The following ATP2B2 variants were observed in gnomAD, a reference collection of about 807,000 sequenced individuals.
ATP2B2 encodes plasma membrane calcium-transporting ATPase 2.
A neutral mutation model predicts 120.0 loss-of-function variants in ATP2B2; 15 were observed. That is an observed-to-expected ratio of 0.12 (90% CI 0.08 to 0.19). The LOEUF (loss-of-function observed/expected upper bound fraction) is 0.19, where lower values mean the gene tolerates loss of function less well. ATP2B2 is among the 10% of genes least tolerant of loss of function. The pLI is 1.00. For synonymous variants in ATP2B2, 694 were observed against 700.3 expected (o/e 0.99, Z 0.14); for missense variants, 1,045 against 1,719.8 (o/e 0.61, Z 6.94).
At chr3:10,605,284 C>T (rs549147065) in intron 2 of ATP2B2, among the ~76,000 whole-genome samples, 5 of 152,326 alleles carry the variant, frequency 3.3e-5, no homozygotes, top group Non-Finnish European at 5.9e-5. Context: ...CATTTCCATA[C>T]GTCCTCTCAT....
At position 10,417,908 on chromosome 3, in the gene ATP2B2, G is replaced by A. The variant is rs142676996; in HGVS notation, c.200-7093C>T. ...TCCTGGTTTGCTCCTCAGAAGAGGG[G>A]TCAGATGGTCCTCAAGGAAGAGGAC... On this transcript the variant is annotated intron_variant, in intron 2 of 22. Coordinates refer to ENST00000360273, the MANE Select transcript of ATP2B2 (RefSeq NM_001001331.4). Among the ~76,000 whole-genome samples, 80 of 152,306 alleles carry A rather than the reference G, an allele frequency of 5.3e-4. 2 individuals are homozygous for A. The East Asian group carries it at 0.012, about 23-fold the overall frequency.
chr3:10,448,820 G>A (rs2063928751), intron 2 of ATP2B2, among the ~76,000 whole-genome samples: 2 of 152,218 alleles, frequency 1.3e-5, no homozygotes, highest in South Asian at 4.1e-4. Flanking sequence ...CTGCACATTA[G>A]TCATGCTATG....
chr3:10,392,242 T>C (rs1246096400), intron 5 of ATP2B2, among the ~76,000 whole-genome samples: 1 of 152,118 alleles, frequency 6.6e-6, no homozygotes, highest in Non-Finnish European at 1.5e-5. Context: ...CTTTCCAGGG[T>C]GGGTATGTAT....
At chr3:10,593,052 C>T (rs908413041) in intron 2 of ATP2B2, among the ~76,000 whole-genome samples, 1 of 152,230 alleles carries the variant, frequency 6.6e-6, no homozygotes, top group African/African-American at 2.4e-5. Context: ...TCCCAAAGTG[C>T]TGGGAATACA....
chr3:10,539,046 A>G (rs529712687), intron 2 of ATP2B2, among the ~76,000 whole-genome samples: 5 of 152,366 alleles, frequency 3.3e-5, no homozygotes, highest in Non-Finnish European at 7.3e-5. Context: ...TACAAAATCA[A>G]TGTGCAAAAA....
chr3:10,505,567 C>G lies in ATP2B2; in HGVS notation c.-422G>C, dbSNP rs1241527265. The G allele has an allele frequency of 1.4e-5, 2 of 145,440 alleles. No individual in the cohort carries two copies. The highest frequency in any genetic ancestry group is 3.0e-5 in the Non-Finnish European group (2 of 66,572). 9.0% of individuals were successfully genotyped at this position (145,440 alleles called of 1,614,324 possible). On this transcript the variant is annotated 5_prime_UTR_variant, in exon 1 of 23. Coordinates refer to ENST00000360273, the MANE Select transcript of ATP2B2 (RefSeq NM_001001331.4). ...CGCGGCTGAGCCCAGCCAGCGTGCC[C>G]GGGCCCCTCTGCAGACTGTACCATC...
intron 3 of ATP2B2, among the ~76,000 whole-genome samples, chr3:10,517,539 C>G (rs2066900683): frequency 6.6e-6 from 1 of 152,190 alleles, no homozygotes; most frequent in Admixed American, 6.5e-5. Flanking sequence ...TAATGAATAT[C>G]CACTGGCCCT....
At chr3:10,668,768 T>A (rs534653197) in intron 1 of ATP2B2, among the ~76,000 whole-genome samples, 5 of 152,338 alleles carry the variant, frequency 3.3e-5, no homozygotes, top group African/African-American at 9.6e-5. Context: ...TCTGTCACTA[T>A]GAGAATTTAC....
At chr3:10,585,368 G>A (rs764681565) in intron 2 of ATP2B2, among the ~76,000 whole-genome samples, 6 of 151,614 alleles carry the variant, frequency 4.0e-5, no homozygotes, top group South Asian at 2.1e-4. Flanking sequence ...GATGGTGGGC[G>A]CCTGTAGTCC....
rs370220142 is a variant in ATP2B2, at chr3:10,687,817, C to T, written c.-460+20098G>A. Among the ~76,000 whole-genome samples, 35 of 152,222 alleles carry T rather than the reference C, an allele frequency of 2.3e-4. 1 individual carries two copies. In the East Asian group the frequency reaches 5.8e-3, roughly 25 times the overall value. The stretch of plus-strand genomic sequence containing the variant: ...TGGAGGTTGCAGTGAGCTGAGATCA[C>T]ACCACCGCACTCCAGCCTGGGTGAC... On this transcript the variant is annotated intron_variant, in intron 1 of 21. Transcript: ENST00000646379.
At chr3:10,693,397 G>A (rs1047269003) in intron 1 of ATP2B2, among the ~76,000 whole-genome samples, 9 of 152,190 alleles carry the variant, frequency 5.9e-5, no homozygotes, top group Non-Finnish European at 1.3e-4. Context: ...TATGTGACAG[G>A]CCTGCTCTGG....
Position 10,350,606 on chromosome 3 carries a change from A to T in ATP2B2, c.2137-29T>A, listed in dbSNP as rs374604773. The stretch of plus-strand genomic sequence containing the variant: ...GGCAGGAGGGCAGGGGCCATGGGGG[A>T]GGGCACCACCTCAGGCAGACTCCCC... On this transcript the variant is annotated intron_variant, in intron 14 of 22. Coordinates refer to ENST00000360273, the MANE Select transcript of ATP2B2 (RefSeq NM_001001331.4). The T allele has an allele frequency of 1.3e-4, 212 of 1,604,502 alleles. 1 individual carries two copies. The African/African-American group carries it at 2.5e-3, about 19-fold the overall frequency.
At chr3:10,388,039 G>A (rs890252347) in intron 6 of ATP2B2, 15 of 524,038 alleles carry the variant, frequency 2.9e-5, no homozygotes, top group Admixed American at 1.5e-4. Context: ...TGGCCCGGAG[G>A]GGAAGGAGGG....
At chr3:10,439,015 G>A (rs1007457634) in intron 2 of ATP2B2, among the ~76,000 whole-genome samples, 1 of 152,192 alleles carries the variant, frequency 6.6e-6, no homozygotes, top group Admixed American at 6.5e-5. Context: ...AGCGTGGGAG[G>A]GCCCTGAAGC....
intron 5 of ATP2B2, among the ~76,000 whole-genome samples, chr3:10,395,547 A>G (rs2062007738): frequency 6.6e-6 from 1 of 152,246 alleles, no homozygotes; most frequent in Non-Finnish European, 1.5e-5. Flanking sequence ...AAGACGGCAA[A>G]AGGTTAGCAA....
At chr3:10,357,642 A>G (rs1002965736) in intron 14 of ATP2B2, among the ~76,000 whole-genome samples, 2 of 152,108 alleles carry the variant, frequency 1.3e-5, no homozygotes, top group Non-Finnish European at 2.9e-5. Context: ...CATCAGCACC[A>G]AATCTTACAG....
chr3:10,636,923 C>T (rs2070037704), intron 1 of ATP2B2, among the ~76,000 whole-genome samples: 1 of 152,192 alleles, frequency 6.6e-6, no homozygotes, highest in Non-Finnish European at 1.5e-5. Context: ...GTGTGAGAAA[C>T]TTACCCAAGT....
intron 2 of ATP2B2, among the ~76,000 whole-genome samples, chr3:10,613,215 A>G (rs1373415483): frequency 6.6e-6 from 1 of 152,152 alleles, no homozygotes; most frequent in East Asian, 1.9e-4. Flanking sequence ...GCCCTGAAAA[A>G]TGTGTGGGAG....
intron 9 of ATP2B2, 130 bp from the exon 10 acceptor site, chr3:10,378,540 C>G: frequency 8.1e-7 from 1 of 1,240,544 alleles, no homozygotes; most frequent in Non-Finnish European, 1.1e-6. Flanking sequence ...CTGGACTGAG[C>G]CCCGCATGGC....
Sources: gnomAD v4.1 joint callset for allele counts (sites outside exome capture counted in the v4.1 genomes callset) on GRCh38, gnomAD v4.1.1 for gene constraint, MANE v1.5 for transcripts, NCBI Gene and HGNC (gene_info 2026-07-23, HGNC 2026-07-21) for gene names.